Variants in IPCEF1 observed in about 807,000 individuals in gnomAD.
The protein encoded by IPCEF1 is interactor protein for cytohesin exchange factors 1.
A neutral mutation model predicts 50.9 loss-of-function variants in IPCEF1; 31 were observed. The observed-to-expected ratio is 0.61, with a 90% CI of 0.46 to 0.82. The LOEUF is 0.82. Among genes scored for constraint, IPCEF1 ranks in the 40% least tolerant of loss-of-function variants. The pLI is 0.00. For synonymous variants in IPCEF1, 181 were observed against 192.0 expected (o/e 0.94, Z 0.47); for missense variants, 458 against 514.0 (o/e 0.89, Z 1.05).
intron 5 of IPCEF1, among the ~76,000 whole-genome samples, chr6:154,237,797 C>T (rs978795023): frequency 1.3e-5 from 2 of 152,104 alleles, no homozygotes; most frequent in Admixed American, 6.5e-5. Context: ...CACACATATA[C>T]ATATGTATGT....
chr6:154,165,653 C>T (rs965077405), intron 11 of IPCEF1, among the ~76,000 whole-genome samples: 5 of 152,230 alleles, frequency 3.3e-5, no homozygotes, highest in Non-Finnish European at 4.4e-5. Context: ...AGCGGGCCCC[C>T]AATCTTCTCT....
chr6:154,195,571 C>T (rs184952713), intron 10 of IPCEF1, among the ~76,000 whole-genome samples: 2 of 152,284 alleles, frequency 1.3e-5, no homozygotes, highest in Non-Finnish European at 1.5e-5. Flanking sequence ...TCCTTTCCAT[C>T]CCCTTTACCC....
Position 154,155,764 on chromosome 6 carries a change from G to T in IPCEF1, c.*4064C>A, listed in dbSNP as rs1315527706. 1 of 152,052 alleles carries T rather than the reference G, an allele frequency of 6.6e-6. No homozygotes were observed. The highest frequency in any genetic ancestry group is 2.4e-5 in the African/African-American group (1 of 41,360). 9.4% of individuals were successfully genotyped at this position (152,052 alleles called of 1,614,324 possible). A position where few individuals can be genotyped will look rare whatever the true frequency, so the allele number is the denominator to read the frequency against. On this transcript the variant is annotated 3_prime_UTR_variant, in exon 12 of 12. Transcript: ENST00000367220. ...CCACTGCACTCCAGCCTGGGCAACAGAGCAAGACTCTGTCTAAAAAAAGAA... is the reference window on the plus strand; with the variant it reads ...CCACTGCACTCCAGCCTGGGCAACATAGCAAGACTCTGTCTAAAAAAAGAA...
Position 154,159,908 on chromosome 6 carries a change from G to A in IPCEF1, c.1237C>T (p.Pro413Ser), listed in dbSNP as rs1798866927. The A allele has an allele frequency of 1.2e-6, 2 of 1,613,774 alleles. No individual in the cohort carries two copies. The highest frequency in any genetic ancestry group is 1.3e-5 in the African/African-American group (1 of 75,014). Residue 413 changes from proline (P) to serine (S), a missense_variant, in exon 12 of 12, where the codon CCT becomes TCT. Transcript: ENST00000367220. ...QDIYQQQRAS[P>S]APDDTDDTPQ... ...GTGTCATCAGTGTCATCAGGGGCAG[G>A]CGAAGCCCGCTGCTGCTGATAGATG...
At chr6:154,324,717 A>G (rs1167394163) in intron 1 of IPCEF1, among the ~76,000 whole-genome samples, 1 of 152,164 alleles carries the variant, frequency 6.6e-6, no homozygotes, top group African/African-American at 2.4e-5. Flanking sequence ...CTGAGGCAGG[A>G]GAATCGCTTG....
intron 2 of IPCEF1, among the ~76,000 whole-genome samples, chr6:154,275,586 ATT>A (rs1052160208): frequency 3.9e-5 from 6 of 152,158 alleles, no homozygotes; most frequent in African/African-American, 1.4e-4. Flanking sequence ...TAATAATTAC[ATT>A]TTCTGTCTGC....
chr6:154,180,556 C>A (rs1800784970), intron 10 of IPCEF1, among the ~76,000 whole-genome samples: 2 of 151,976 alleles, frequency 1.3e-5, no homozygotes, highest in African/African-American at 2.4e-5. Context: ...TTCCATACCC[C>A]AGTCTATTGT....
intron 1 of IPCEF1, among the ~76,000 whole-genome samples, chr6:154,296,550 C>T (rs1481075284): frequency 6.6e-6 from 1 of 152,106 alleles, no homozygotes; most frequent in African/African-American, 2.4e-5. Context: ...TGAATATCGG[C>T]CGGGCGTGGT....
intron 11 of IPCEF1, among the ~76,000 whole-genome samples, chr6:154,161,677 CG>C (rs1423739479): frequency 1.3e-5 from 2 of 152,154 alleles, no homozygotes; most frequent in Non-Finnish European, 2.9e-5. Context: ...TAGGTATTTA[CG>C]GGTAAGTCAT....
chr6:154,272,342 T>C (rs2128658632), intron 2 of IPCEF1, among the ~76,000 whole-genome samples: 1 of 152,354 alleles, frequency 6.6e-6, no homozygotes, highest in South Asian at 2.1e-4. Context: ...TTTCATCAAA[T>C]AAAATAGCTT....
intron 10 of IPCEF1, among the ~76,000 whole-genome samples, chr6:154,190,480 A>G (rs1583752083): frequency 6.6e-6 from 1 of 152,206 alleles, no homozygotes; most frequent in African/African-American, 2.4e-5. Flanking sequence ...ACCTACTAGC[A>G]TGGCGAAAAT....
intron 8 of IPCEF1, among the ~76,000 whole-genome samples, chr6:154,213,608 C>T (rs1286113760): frequency 6.6e-6 from 1 of 152,096 alleles, no homozygotes; most frequent in Non-Finnish European, 1.5e-5. Flanking sequence ...TTTCCAAGGC[C>T]TTTTGTGGTC....
rs758939788 is a variant in IPCEF1, at chr6:154,199,877, T to A, written c.701A>T (p.Asp234Val). 1 of 1,614,084 alleles carries A rather than the reference T, an allele frequency of 6.2e-7. No homozygotes were observed. Among genetic ancestry groups the A allele is most frequent in the Non-Finnish European group, 8.5e-7 (1 of 1,180,030 alleles). ...DTVNSLSAAE[D>V]EGQPITFAVQ... ...AGCAAACGTTATTGGTTGTCCCTCA[T>A]CTTCAGCAGCAGACAAACTGTTAAC... Residue 234 changes from aspartate (D) to valine (V), a missense_variant, in exon 10 of 12, where the codon GAT (aspartate) becomes GTT (valine). By Grantham distance (152) the Asp-to-Val change is radical (BLOSUM62 -3). Transcript: ENST00000367220.
At chr6:154,165,052 C>A (rs1562518725) in intron 11 of IPCEF1, among the ~76,000 whole-genome samples, 1 of 152,150 alleles carries the variant, frequency 6.6e-6, no homozygotes, top group Non-Finnish European at 1.5e-5. Flanking sequence ...TTCCTTGTTT[C>A]TGCATGAAAC....
intron 1 of IPCEF1, among the ~76,000 whole-genome samples, chr6:154,355,899 C>T (rs942687893): frequency 1.7e-4 from 26 of 151,800 alleles, no homozygotes; most frequent in African/African-American, 5.8e-4. Flanking sequence ...GTGATCCTCT[C>T]GCCGTGGTCA....
At chr6:154,350,505 A>G (rs1784102120) in intron 1 of IPCEF1, among the ~76,000 whole-genome samples, 1 of 152,250 alleles carries the variant, frequency 6.6e-6, no homozygotes, top group Non-Finnish European at 1.5e-5. Context: ...GCCCAATGCC[A>G]CAAGTTAACT....
intron 10 of IPCEF1, among the ~76,000 whole-genome samples, chr6:154,179,877 A>T (rs1800682154): frequency 1.3e-5 from 2 of 152,178 alleles, no homozygotes. Flanking sequence ...AACCTTGTTA[A>T]CATGTAGATT....
chr6:154,341,323 G>C (rs539961946), intron 1 of IPCEF1, among the ~76,000 whole-genome samples: 1 of 152,256 alleles, frequency 6.6e-6, no homozygotes, highest in South Asian at 2.1e-4. Flanking sequence ...TCAAATAAGA[G>C]TCCATAGTTA....
chr6:154,283,636 A>G (rs1011000844), intron 2 of IPCEF1, among the ~76,000 whole-genome samples: 3 of 152,344 alleles, frequency 2.0e-5, no homozygotes, highest in African/African-American at 7.2e-5. Flanking sequence ...AAAAAGATGT[A>G]CATTTGAATA....
Sources: allele counts gnomAD v4.1 joint callset (sites outside exome capture counted in the v4.1 genomes callset), GRCh38; gene constraint gnomAD v4.1.1; transcripts MANE v1.5; gene names NCBI Gene and HGNC (gene_info 2026-07-23, HGNC 2026-07-21).